ZNF37A: variants seen among roughly 807,000 people sequenced by gnomAD.
ZNF37A encodes the protein zinc finger protein 37a (KOX 21).
ZNF37A carries 10 observed loss-of-function variants against 12.3 expected under a neutral mutation model. The observed-to-expected ratio is 0.82, with a 90% CI of 0.50 to 1.38. The LOEUF is 1.38. Among genes scored for constraint, ZNF37A ranks in the 40% most tolerant of loss-of-function variants. ZNF37A has a pLI of 0.00. For synonymous variants in ZNF37A, 207 were observed against 223.0 expected, an observed-to-expected ratio of 0.93 and a Z score of 0.64; for missense variants, 580 against 651.2, an observed-to-expected ratio of 0.89 and a Z score of 1.19.
intron 5 of ZNF37A, among the ~76,000 whole-genome samples, chr10:38,106,785 G>T (rs1412800340): frequency 2.0e-5 from 3 of 151,984 alleles, no homozygotes; most frequent in Admixed American, 2.0e-4. Context: ...ATGAAATAAA[G>T]TGAGAAAACA....
intron 7 of ZNF37A, among the ~76,000 whole-genome samples, chr10:38,131,627 T>C (rs2070028785): frequency 6.6e-6 from 1 of 152,156 alleles, no homozygotes; most frequent in Non-Finnish European, 1.5e-5. Context: ...TTCATCTTTC[T>C]GAAGATTGTT....
chr10:38,137,690 G>A (rs1482098708), intron 7 of ZNF37A: 1 of 152,202 alleles, frequency 6.6e-6, no homozygotes. Flanking sequence ...AGAGACTGTG[G>A]TTGGGGGATG....
Position 38,146,992 on chromosome 10 carries a change from C to T in ZNF37A, c.*172C>T, listed in dbSNP as rs572056484. 32 of 369,534 alleles carry T rather than the reference C, an allele frequency of 8.7e-5. 1 individual carries two copies. The highest frequency in any genetic ancestry group is 2.9e-4 in the South Asian group (2 of 6,780). The allele number at this position is 369,534 out of a possible 1,614,324, so 22.9% of individuals were successfully genotyped here. The stretch of plus-strand genomic sequence containing the variant: ...ATAGATTAGCTAAAAGCATTCCTTA[C>T]GGGAAACAAAGCATTTTTAGCGAGG... On this transcript the variant is annotated 3_prime_UTR_variant, in exon 8 of 8. Transcript: ENST00000638053.
chr10:38,147,026 AAC>A (rs1279874660), exon 8 of ZNF37A: 2 of 331,310 alleles, frequency 6.0e-6, no homozygotes, highest in African/African-American at 4.2e-5. Context: ...GGAGCAGAGA[AAC>A]AGTCTCTGGC....
At chr10:38,103,614 T>A (rs1168300918) in intron 5 of ZNF37A, among the ~76,000 whole-genome samples, 1 of 152,214 alleles carries the variant, frequency 6.6e-6, no homozygotes, top group Non-Finnish European at 1.5e-5. Context: ...TGCCTCATAA[T>A]TTTTTATTGA....
At chr10:38,128,339 C>A (rs2069958880), downstream of ZNF37A, among the ~76,000 whole-genome samples, 1 of 152,086 alleles carries the variant, frequency 6.6e-6, no homozygotes, top group African/African-American at 2.4e-5. Context: ...AGCCATATCA[C>A]AATCAAATGC....
chr10:38,112,192 G>A (rs542200507), intron 5 of ZNF37A, among the ~76,000 whole-genome samples: 23 of 151,274 alleles, frequency 1.5e-4, no homozygotes, highest in African/African-American at 5.6e-4. Flanking sequence ...TTGCAAATTG[G>A]CTCTGTCCTG....
At chr10:38,104,300 C>T (rs959851742) in intron 5 of ZNF37A, among the ~76,000 whole-genome samples, 4 of 152,186 alleles carry the variant, frequency 2.6e-5, no homozygotes, top group South Asian at 2.1e-4. Flanking sequence ...TCAGAGAGCC[C>T]GCATAGACAG....
chr10:38,124,769 T>G (rs974633751), downstream of ZNF37A: 6 of 152,228 alleles, frequency 3.9e-5, no homozygotes, highest in African/African-American at 1.2e-4. Flanking sequence ...GCAAGAAAAC[T>G]ATTTTCGAGA....
intron 5 of ZNF37A, among the ~76,000 whole-genome samples, chr10:38,103,496 C>G (rs2067767034): frequency 2.6e-5 from 4 of 152,088 alleles, no homozygotes; most frequent in Admixed American, 2.6e-4. Context: ...ACATTTAGAA[C>G]AGATGATTTA....
intron 5 of ZNF37A, among the ~76,000 whole-genome samples, chr10:38,112,775 C>CGG (rs1564932294): frequency 0.054 from 2,899 of 53,842 alleles, 340 homozygotes; most frequent in African/African-American, 0.079. Flanking sequence ...CTTTTCTTTT[C>CGG]TTTTCTTTTC....
At chr10:38,101,987 T>G (rs2067625031) in intron 5 of ZNF37A, among the ~76,000 whole-genome samples, 1 of 151,854 alleles carries the variant, frequency 6.6e-6, no homozygotes, top group Non-Finnish European at 1.5e-5. Context: ...GACACCTGGC[T>G]AATTTTTGTA....
At chr10:38,131,017 G>T (rs1336141118) in intron 7 of ZNF37A, among the ~76,000 whole-genome samples, 1 of 152,068 alleles carries the variant, frequency 6.6e-6, no homozygotes, top group East Asian at 1.9e-4. Context: ...TAATGTCAAA[G>T]AATTTTCAAG....
At chr10:38,132,196 T>G (rs1472772867) in intron 7 of ZNF37A, among the ~76,000 whole-genome samples, 4 of 152,172 alleles carry the variant, frequency 2.6e-5, no homozygotes, top group Non-Finnish European at 4.4e-5. Context: ...GTGGGAAATC[T>G]TTTTAGTTTT....
rs1413905872 is a variant in ZNF37A, at chr10:38,138,458, T to C, written c.239-8274T>C. The stretch of plus-strand genomic sequence containing the variant: ...AGGAAATGTCATTGACTGCCTGAGC[T>C]ATGTACTTCATGGAATATGTTTTTG... On this transcript the variant is annotated intron_variant, in intron 7 of 7. Transcript: ENST00000638053. 4 of 152,244 alleles carry C rather than the reference T, an allele frequency of 2.6e-5. No homozygotes were observed. In the East Asian group the frequency reaches 7.7e-4, roughly 29 times the overall value. The allele number at this position is 152,244 out of a possible 1,614,324, so 9.4% of individuals were successfully genotyped here. A position where few individuals can be genotyped will look rare whatever the true frequency, so the allele number is the denominator to read the frequency against.
chr10:38,131,911 C>T (rs946058768), intron 7 of ZNF37A, among the ~76,000 whole-genome samples: 2 of 152,062 alleles, frequency 1.3e-5, no homozygotes, highest in Non-Finnish European at 2.9e-5. Context: ...AATGGAGTCA[C>T]TTCCTAATTT....
chr10:38,146,349 G>A (rs576733623), intron 7 of ZNF37A, among the ~76,000 whole-genome samples: 12 of 152,180 alleles, frequency 7.9e-5, no homozygotes, highest in South Asian at 2.1e-4. Flanking sequence ...CAATCTCAGC[G>A]CACCACATCA....
downstream of ZNF37A, among the ~76,000 whole-genome samples, chr10:38,129,190 T>A (rs1203825368): frequency 1.3e-5 from 2 of 151,448 alleles, no homozygotes; most frequent in African/African-American, 4.9e-5. Flanking sequence ...TCTAGAGTTA[T>A]AATTAGGCAT....
chr10:38,097,328 C>G (rs1230874090), intron 5 of ZNF37A, among the ~76,000 whole-genome samples: 3 of 151,916 alleles, frequency 2.0e-5, no homozygotes, highest in Non-Finnish European at 2.9e-5. Context: ...GCCTATAATC[C>G]CAACACTTTG....
Sources: gnomAD v4.1 joint callset for allele counts (sites outside exome capture counted in the v4.1 genomes callset) on GRCh38, gnomAD v4.1.1 for gene constraint, MANE v1.5 for transcripts, NCBI Gene and HGNC (gene_info 2026-07-23, HGNC 2026-07-21) for gene names.